Variants in SANBR observed in about 807,000 individuals in gnomAD.
SANBR encodes the protein SANT and BTB domain regulator of class switch recombination.
A neutral mutation model predicts 101.8 loss-of-function variants in SANBR; 77 were observed. The observed-to-expected ratio is 0.76, with a 90% confidence interval of 0.63 to 0.91. The LOEUF is 0.91. SANBR is among the 40% of genes least tolerant of loss of function. The pLI, the probability that SANBR is intolerant of heterozygous loss-of-function variation, is 0.00. For synonymous variants in SANBR, 279 were observed against 274.7 expected (o/e 1.02, Z -0.15); for missense variants, 875 against 853.0 (o/e 1.03, Z -0.32).
Position 61,121,151 on chromosome 2 carries a change from G to C in SANBR, c.2029-34G>C, listed in dbSNP as rs1283256876. ...ATAAAGCAGAGCTTCTATTGATTCT[G>C]TGAAGATAACAGTATTGCTTCTTTA... On this transcript the variant is annotated intron_variant, in intron 20 of 21. Transcript: ENST00000402291. 1.6e-5 allele frequency: 22 copies of C among 1,393,102 alleles called. No homozygotes were observed. The Admixed American group carries it at 4.5e-4, about 28-fold the overall frequency. 86.3% of individuals were successfully genotyped at this position (1,393,102 alleles called of 1,614,324 possible). A position where few individuals can be genotyped will look rare whatever the true frequency, so the allele number is the denominator to read the frequency against.
At chr2:61,120,743 T>A (rs772031302) in intron 20 of SANBR, among the ~76,000 whole-genome samples, 1 of 152,112 alleles carries the variant, frequency 6.6e-6, no homozygotes, top group South Asian at 2.1e-4. Flanking sequence ...AGGAACAAAC[T>A]TCTGATGTAT....
At chr2:61,120,248 A>G (rs1466162702) in intron 20 of SANBR, among the ~76,000 whole-genome samples, 1 of 152,224 alleles carries the variant, frequency 6.6e-6, no homozygotes, top group Non-Finnish European at 1.5e-5. Flanking sequence ...CACACCTGTA[A>G]TCCCAGCACT....
At chr2:61,120,198 A>G (rs1477617055) in intron 20 of SANBR, among the ~76,000 whole-genome samples, 2 of 152,096 alleles carry the variant, frequency 1.3e-5, no homozygotes, top group South Asian at 2.1e-4. Flanking sequence ...TGGGAAAACA[A>G]ACTGCATATA....
intron 20 of SANBR, among the ~76,000 whole-genome samples, chr2:61,131,111 A>G (rs1573684910): frequency 6.6e-6 from 1 of 152,228 alleles, no homozygotes; most frequent in East Asian, 1.9e-4. Flanking sequence ...CTTAATGGTG[A>G]AGAACTGGAT....
At chr2:61,109,445 C>T (rs891133001) in intron 16 of SANBR, 149 bp downstream of exon 16, 4 of 441,078 alleles carry the variant, frequency 9.1e-6, no homozygotes, top group Non-Finnish European at 1.6e-5. Flanking sequence ...ATCAAGATTT[C>T]CTAACCCGGG....
rs573027235 is a variant in SANBR, at chr2:61,083,941, T to A, written c.890+627T>A. On this transcript the variant is annotated intron_variant, in intron 8 of 21. Coordinates refer to ENST00000402291, the MANE Select transcript of SANBR (RefSeq NM_001129993.3). ...CAGTTTTTGAAATTAATTTTTACTC[T>A]CTCTTTTCATTTATAGTTAGCTTAT... is the stretch of plus-strand genomic sequence containing the variant. Among the ~76,000 whole-genome samples, 413 of 152,010 alleles carry A rather than the reference T, an allele frequency of 2.7e-3. 1 individual carries two copies. The highest frequency in any genetic ancestry group is 9.7e-3 in the African/African-American group (403 of 41,478).
At chr2:61,095,202 A>G (rs533249224) in intron 11 of SANBR, among the ~76,000 whole-genome samples, 1 of 152,262 alleles carries the variant, frequency 6.6e-6, no homozygotes, top group South Asian at 2.1e-4. Context: ...CTAAAATCTG[A>G]CTTGCTTAAC....
intron 5 of SANBR, among the ~76,000 whole-genome samples, chr2:61,076,567 A>T (rs1681791181): frequency 6.6e-6 from 1 of 150,378 alleles, no homozygotes; most frequent in African/African-American, 2.4e-5. Context: ...GGCGGAGCTT[A>T]CAGTGAGCCG....
intron 20 of SANBR, among the ~76,000 whole-genome samples, chr2:61,130,929 C>CAAAAAAAA (rs59171411): frequency 0.028 from 370 of 13,234 alleles, 157 homozygotes; most frequent in Non-Finnish European, 0.042. Flanking sequence ...GACTCTGTCT[C>CAAAAAAAA]AAAAAAAAAA....
chr2:61,097,171 A>G (rs1215352722), intron 11 of SANBR, among the ~76,000 whole-genome samples: 2 of 152,214 alleles, frequency 1.3e-5, no homozygotes, highest in Non-Finnish European at 2.9e-5. Context: ...GAAAGCATCA[A>G]GGAATAACCA....
intron 14 of SANBR, among the ~76,000 whole-genome samples, chr2:61,107,625 C>T (rs543511711): frequency 7.2e-5 from 11 of 152,224 alleles, no homozygotes; most frequent in East Asian, 5.8e-4. Flanking sequence ...TCAGTCATGC[C>T]GGGCATGGTG....
At chr2:61,133,801 G>A (rs1353803880) in intron 20 of SANBR, among the ~76,000 whole-genome samples, 1 of 152,126 alleles carries the variant, frequency 6.6e-6, no homozygotes, top group Non-Finnish European at 1.5e-5. Context: ...ATGGGCACCT[G>A]GGATGATAGC....
At position 61,083,203 on chromosome 2, in the gene SANBR, C is replaced by G. The variant is rs767255377; in HGVS notation, c.779C>G (p.Ala260Gly). 3.1e-6 allele frequency: 5 copies of G among 1,611,702 alleles called. No homozygotes were observed. Among genetic ancestry groups the G allele is most frequent in the Non-Finnish European group, 4.2e-6 (5 of 1,178,046 alleles). Reference protein sequence around the residue: ...YCHKNMNAIVATPCNMNCINA... With the variant: ...YCHKNMNAIVGTPCNMNCINA... ...CACAAAAATATGAATGCCATAGTAG[C>G]TACCCCATGCAACATGAACTGTATT... Residue 260 changes from alanine (A) to glycine (G), a missense_variant, in exon 8 of 22, where the codon GCT becomes GGT. Ala to Gly is a moderately conservative substitution (Grantham distance 60, BLOSUM62 0). Transcript: ENST00000402291.
downstream of SANBR, among the ~76,000 whole-genome samples, chr2:61,127,775 C>T (rs1684556615): frequency 6.6e-6 from 1 of 151,740 alleles, no homozygotes; most frequent in Admixed American, 6.6e-5. Flanking sequence ...ATGGAAGTTC[C>T]AAAAGGAGAG....
chr2:61,103,267 A>G (rs977129137), intron 12 of SANBR, among the ~76,000 whole-genome samples: 6 of 151,502 alleles, frequency 4.0e-5, no homozygotes, highest in African/African-American at 1.2e-4. Flanking sequence ...TTCCTGAGGT[A>G]GCTGGGACTG....
intron 4 of SANBR, among the ~76,000 whole-genome samples, chr2:61,072,569 ACTGT>A (rs1156864616): frequency 1.3e-5 from 2 of 152,116 alleles, no homozygotes; most frequent in African/African-American, 2.4e-5. Flanking sequence ...TGAGCAAGAC[ACTGT>A]CTGTAAAAAA....
At chr2:61,090,325 C>A (rs551414136) in intron 10 of SANBR, 1 of 152,160 alleles carries the variant, frequency 6.6e-6, no homozygotes, top group Non-Finnish European at 1.5e-5. Context: ...GAAAGAAACC[C>A]TATGAATGTT....
chr2:61,101,208 A>G (rs1406345437), intron 12 of SANBR, among the ~76,000 whole-genome samples: 9 of 152,226 alleles, frequency 5.9e-5, no homozygotes, highest in African/African-American at 2.2e-4. Context: ...AAATTAGATT[A>G]GCTTTGCTAG....
intron 13 of SANBR, among the ~76,000 whole-genome samples, chr2:61,105,929 C>A (rs1307886401): frequency 6.6e-6 from 1 of 151,452 alleles, no homozygotes; most frequent in Non-Finnish European, 1.5e-5. Context: ...CTCGGCCTCG[C>A]AAAGTGCTGG....
Sources: gnomAD v4.1 joint callset for allele counts (sites outside exome capture counted in the v4.1 genomes callset) on GRCh38, gnomAD v4.1.1 for gene constraint, MANE v1.5 for transcripts, NCBI Gene and HGNC (gene_info 2026-07-23, HGNC 2026-07-21) for gene names.